The following VWA8 variants were observed in gnomAD, a reference collection of about 807,000 sequenced individuals.
VWA8 encodes von Willebrand factor A domain containing 8.
In VWA8, 221 loss-of-function variants were observed where a neutral mutation model predicts 241.5. That is an observed-to-expected ratio of 0.91 (90% CI 0.82 to 1.02). VWA8 has a LOEUF of 1.02. VWA8 is among the 50% of genes least tolerant of loss of function. VWA8 has a pLI of 0.00. For synonymous variants in VWA8, 852 were observed against 827.1 expected (o/e 1.03, Z -0.52); for missense variants, 2,322 against 2,328.7 (o/e 1.00, Z 0.06).
chr13:41,567,969 C>T lies in VWA8; in HGVS notation c.*228G>A, dbSNP rs1159103395. 1.6e-5 allele frequency: 7 copies of T among 445,342 alleles called. No homozygotes were observed. The highest frequency in any genetic ancestry group is 3.6e-5 in the East Asian group (1 of 28,122). 27.6% of individuals were successfully genotyped at this position (445,342 alleles called of 1,614,324 possible). The stretch of plus-strand genomic sequence containing the variant: ...GATAAAGTGCAGGTCAACTAGCTTG[C>T]CCTAATCACTTCTAAACTCATCAGT... On this transcript the variant is annotated 3_prime_UTR_variant, in exon 45 of 45. Coordinates refer to ENST00000379310, the MANE Select transcript of VWA8 (RefSeq NM_015058.2).
rs869088660 is a variant in VWA8 at position 41,572,797 on chromosome 13, TAAAA to T, written c.5371-2095_5371-2092del. ...ACACCCAAGAATGATCAATAAATAC[TAAAA>T]AAAAAAAAAAAAAAAAAAAAGAAAC... On this transcript the variant is annotated intron_variant, in intron 43 of 44. Coordinates refer to ENST00000379310, the MANE Select transcript of VWA8 (RefSeq NM_015058.2). Among the ~76,000 whole-genome samples, 329 of 67,780 alleles carry T rather than the reference TAAAA, an allele frequency of 4.9e-3. 5 individuals carry two copies. The Middle Eastern group carries it at 0.074, about 15-fold the overall frequency. The allele number at this position is 67,780 out of a possible 152,430, so 44.5% of individuals were successfully genotyped here. A position where few individuals can be genotyped will look rare whatever the true frequency, so the allele number is the denominator to read the frequency against.
At chr13:41,818,351 C>T (rs1467830302) in intron 15 of VWA8, among the ~76,000 whole-genome samples, 1 of 148,434 alleles carries the variant, frequency 6.7e-6, no homozygotes, top group African/African-American at 2.5e-5. Flanking sequence ...GGGGGTGGAT[C>T]AATTGAGGCC....
intron 37 of VWA8, among the ~76,000 whole-genome samples, chr13:41,661,122 C>G (rs987124048): frequency 6.6e-6 from 1 of 152,130 alleles, no homozygotes; most frequent in Non-Finnish European, 1.5e-5. Flanking sequence ...CCTCAGCTTC[C>G]CAAAGTGCTG....
At chr13:41,745,330 G>A (rs187839161) in intron 21 of VWA8, among the ~76,000 whole-genome samples, 314 of 151,868 alleles carry the variant, frequency 2.1e-3, no homozygotes, top group African/African-American at 5.4e-3. Flanking sequence ...TGATGTTCCC[G>A]GCTCTGTGTC....
intron 2 of VWA8, chr13:41,926,727 A>G: frequency 3.7e-6 from 2 of 537,800 alleles, no homozygotes; most frequent in Non-Finnish European, 7.6e-6. Context: ...GGCCAGGCCT[A>G]TGATACTGAC....
chr13:41,685,613 G>A (rs2045131308), intron 34 of VWA8, among the ~76,000 whole-genome samples: 1 of 152,144 alleles, frequency 6.6e-6, no homozygotes, highest in African/African-American at 2.4e-5. Context: ...CAGGAAGGAG[G>A]TAGCTGCTTT....
chr13:41,950,133 G>C lies in VWA8; in HGVS notation c.164-120C>G, dbSNP rs1348895267. On this transcript the variant is annotated intron_variant, in intron 1 of 44. Transcript: ENST00000379310. The stretch of plus-strand genomic sequence containing the variant: ...TGTTACAGAAATGTACTACGCAGCT[G>C]TCTATAAGTCAAGCACTATGCTCTA... 7 of 536,438 alleles carry C rather than the reference G, an allele frequency of 1.3e-5. No homozygotes were observed. The South Asian group carries it at 2.3e-4, about 18-fold the overall frequency. The allele number at this position is 536,438 out of a possible 1,614,324, so 33.2% of individuals were successfully genotyped here.
chr13:41,627,994 T>C (rs562504852), intron 37 of VWA8, among the ~76,000 whole-genome samples: 12 of 152,272 alleles, frequency 7.9e-5, no homozygotes, highest in Middle Eastern at 6.8e-3. Flanking sequence ...ATCCTCTCCA[T>C]AGGGCATACA....
chr13:41,755,573 CTA>C (rs1386778266), intron 21 of VWA8, among the ~76,000 whole-genome samples: 1 of 151,686 alleles, frequency 6.6e-6, no homozygotes, highest in African/African-American at 2.4e-5. Flanking sequence ...TTCAGAATTA[CTA>C]TAGAATATAA....
At chr13:41,748,423 T>A (rs564715481) in intron 21 of VWA8, among the ~76,000 whole-genome samples, 2 of 152,292 alleles carry the variant, frequency 1.3e-5, no homozygotes, top group African/African-American at 4.8e-5. Context: ...TAGTTTGCAT[T>A]TCTGTGGGAT....
chr13:41,668,961 G>A (rs1157362877), intron 37 of VWA8, among the ~76,000 whole-genome samples: 4 of 151,942 alleles, frequency 2.6e-5, no homozygotes. Context: ...TTCTGTAATA[G>A]CTGAGCTTTA....
intron 35 of VWA8, among the ~76,000 whole-genome samples, chr13:41,679,998 G>C (rs1442342254): frequency 1.3e-5 from 2 of 151,954 alleles, no homozygotes; most frequent in Non-Finnish European, 2.9e-5. Context: ...AGCAAGAAGA[G>C]AGTTTAACTC....
At chr13:41,632,736 T>C (rs2044733700) in intron 37 of VWA8, among the ~76,000 whole-genome samples, 1 of 152,198 alleles carries the variant, frequency 6.6e-6, no homozygotes, top group Admixed American at 6.6e-5. Context: ...CCCTGAGTTT[T>C]TCCAACCATT....
chr13:41,649,669 G>A (rs895188888), intron 37 of VWA8, among the ~76,000 whole-genome samples: 7 of 150,590 alleles, frequency 4.6e-5, no homozygotes, highest in Non-Finnish European at 1.0e-4. Context: ...GCTGGGGGGT[G>A]AGGGGAGAAT....
chr13:41,869,714 C>T (rs947627339), intron 9 of VWA8, among the ~76,000 whole-genome samples: 3 of 143,796 alleles, frequency 2.1e-5, no homozygotes, highest in African/African-American at 5.1e-5. Flanking sequence ...CTAACATTGA[C>T]TACACCACTT....
At chr13:41,740,107 G>A (rs1169257038) in intron 21 of VWA8, among the ~76,000 whole-genome samples, 1 of 151,700 alleles carries the variant, frequency 6.6e-6, no homozygotes, top group Non-Finnish European at 1.5e-5. Flanking sequence ...TGCCCACCTC[G>A]GCCTCCCAAA....
intron 9 of VWA8, among the ~76,000 whole-genome samples, chr13:41,878,195 A>G (rs1873992342): frequency 6.6e-6 from 1 of 152,090 alleles, no homozygotes; most frequent in South Asian, 2.1e-4. Context: ...CCATTATAAT[A>G]CATACTTCTA....
chr13:41,874,532 A>C (rs912307573), intron 9 of VWA8, among the ~76,000 whole-genome samples: 16 of 152,162 alleles, frequency 1.1e-4, no homozygotes, highest in African/African-American at 2.4e-5. Context: ...GCATTCTTAT[A>C]CACCAATAAC....
intron 35 of VWA8, among the ~76,000 whole-genome samples, chr13:41,676,931 C>T (rs2045064380): frequency 6.6e-6 from 1 of 152,092 alleles, no homozygotes. Context: ...CCACCCCCAG[C>T]CTGTTCTGCT....
Sources: allele counts gnomAD v4.1 joint callset (sites outside exome capture counted in the v4.1 genomes callset), GRCh38; gene constraint gnomAD v4.1.1; transcripts MANE v1.5; gene names NCBI Gene and HGNC (gene_info 2026-07-23, HGNC 2026-07-21).